Variants in RELCH observed in about 807,000 individuals in gnomAD.
RELCH encodes RAB11 binding and LisH domain, coiled-coil and HEAT repeat containing.
In RELCH, 41 loss-of-function variants were observed where a neutral mutation model predicts 150.3. The ratio of observed to expected loss-of-function variants is 0.27; its 90% CI spans 0.21 to 0.35. The LOEUF (loss-of-function observed/expected upper bound fraction) is 0.35. RELCH is among the 10% of genes least tolerant of loss of function. RELCH has a pLI of 1.00. For missense variants in RELCH, 1,092 were observed against 1,467.8 expected, an observed-to-expected ratio of 0.74 and a Z score of 4.18; for synonymous variants, 478 against 531.8, an observed-to-expected ratio of 0.90 and a Z score of 1.39.
chr18:62,267,216 T>C (rs1380978017), intron 19 of RELCH, among the ~76,000 whole-genome samples: 2 of 151,892 alleles, frequency 1.3e-5, no homozygotes, highest in Non-Finnish European at 2.9e-5. Flanking sequence ...AGCTACTTCA[T>C]TGATAGTTTT....
intron 1 of RELCH, among the ~76,000 whole-genome samples, chr18:62,195,225 A>T (rs1016022600): frequency 1.1e-4 from 17 of 152,074 alleles, no homozygotes; most frequent in African/African-American, 4.1e-4. Flanking sequence ...AATTTACATG[A>T]TGAACCAATT....
At chr18:62,283,702 G>A (rs1233708106) in intron 25 of RELCH, among the ~76,000 whole-genome samples, 2 of 152,132 alleles carry the variant, frequency 1.3e-5, no homozygotes. Flanking sequence ...TGATATTTTA[G>A]TTAGCACTAG....
chr18:62,274,890 T>A (rs1321723362), intron 21 of RELCH, among the ~76,000 whole-genome samples: 2 of 152,224 alleles, frequency 1.3e-5, no homozygotes, highest in Middle Eastern at 3.2e-3. Flanking sequence ...ATAAGGAAGG[T>A]GACATCTTTT....
intron 17 of RELCH, 118 bp downstream of exon 17, chr18:62,264,263 C>T: frequency 4.1e-6 from 3 of 738,910 alleles, no homozygotes; most frequent in Non-Finnish European, 6.6e-6. Flanking sequence ...TTTTGGTAAA[C>T]ACCTTTAGGA....
intron 1 of RELCH, among the ~76,000 whole-genome samples, chr18:62,202,891 C>G (rs577728326): frequency 9.9e-5 from 15 of 152,254 alleles, no homozygotes; most frequent in Admixed American, 9.8e-4. Context: ...AACAATGAAG[C>G]CTGGTATCAC....
At position 62,265,965 on chromosome 18, in the gene RELCH, G is replaced by A. The variant is rs185039517; in HGVS notation, c.2632-736G>A. Reference sequence around the variant, plus strand: ...TTGTATTTTTCACTAGCATTCAGTTGTTAAACAAATATAATTTGATTTTCC... The same window carrying A: ...TTGTATTTTTCACTAGCATTCAGTTATTAAACAAATATAATTTGATTTTCC... On this transcript the variant is annotated intron_variant, in intron 18 of 28. Coordinates refer to ENST00000644646, the MANE Select transcript of RELCH (RefSeq NM_001346231.2). Among the ~76,000 whole-genome samples, 235 of 151,848 alleles carry A rather than the reference G, an allele frequency of 1.5e-3. 1 individual carries two copies. The highest frequency in any genetic ancestry group is 5.3e-3 in the African/African-American group (219 of 41,502).
intron 1 of RELCH, among the ~76,000 whole-genome samples, chr18:62,192,333 T>G (rs1461620943): frequency 6.6e-6 from 1 of 152,246 alleles, no homozygotes; most frequent in African/African-American, 2.4e-5. Context: ...TCTCCCATTC[T>G]GTAGGTTGTC....
chr18:62,266,677 G>T, intron 18 of RELCH, 24 bp from the exon 19 acceptor site: 1 of 1,562,304 alleles, frequency 6.4e-7, no homozygotes, highest in African/African-American at 1.4e-5. Context: ...GAGACTTTTT[G>T]AATCTTCTCT....
rs200458227 is a variant in RELCH, at chr18:62,299,695, GT to G, written c.3530+841del. 7.6e-3 allele frequency among the ~76,000 whole-genome samples: 1,162 copies of G among 152,128 alleles called. 12 individuals are homozygous for G. Among genetic ancestry groups the G allele is most frequent in the East Asian group, 0.038 (195 of 5,184 alleles). On this transcript the variant is annotated intron_variant, in intron 28 of 28. Transcript: ENST00000644646. ...ATTCACATCTTCTATATTATTAGTG[GT>G]TTTTTATAGAGGTTTTTTACAGGTT...
At chr18:62,281,592 ATTTC>A (rs988997354) in intron 24 of RELCH, among the ~76,000 whole-genome samples, 1 of 152,206 alleles carries the variant, frequency 6.6e-6, no homozygotes, top group Admixed American at 6.5e-5. Context: ...TCAGATTTTT[ATTTC>A]TTTGTTATTA....
intron 27 of RELCH, among the ~76,000 whole-genome samples, chr18:62,298,280 C>T (rs2045512536): frequency 6.6e-6 from 1 of 152,166 alleles, no homozygotes; most frequent in African/African-American, 2.4e-5. Context: ...AGTCTCCCTG[C>T]AGGAATCGTG....
chr18:62,269,798 T>C (rs930107450), intron 20 of RELCH, among the ~76,000 whole-genome samples: 2 of 152,158 alleles, frequency 1.3e-5, no homozygotes, highest in Admixed American at 6.6e-5. Flanking sequence ...ATCACCAGAA[T>C]ACCTGTATCA....
chr18:62,248,792 T>C (rs1292527084), intron 11 of RELCH, among the ~76,000 whole-genome samples: 2 of 152,202 alleles, frequency 1.3e-5, no homozygotes, highest in Admixed American at 1.3e-4. Flanking sequence ...GTCCTGAGTC[T>C]AATACCCACA....
At chr18:62,232,291 G>A (rs1385140830) in intron 9 of RELCH, 41 bp from the exon 10 acceptor site, 10 of 1,293,820 alleles carry the variant, frequency 7.7e-6, no homozygotes, top group Non-Finnish European at 1.1e-5. Flanking sequence ...ATGCACAGAA[G>A]TTCTCCACTA....
chr18:62,272,575 C>G (rs1168651096), intron 20 of RELCH, among the ~76,000 whole-genome samples: 1 of 151,934 alleles, frequency 6.6e-6, no homozygotes, highest in East Asian at 1.9e-4. Context: ...TCACAGATTG[C>G]CAGTGTTTCT....
In RELCH at chr18:62,280,540, A is replaced by G. The variant is rs2044457690; in HGVS notation, c.3051-106A>G. On this transcript the variant is annotated intron_variant, in intron 23 of 28. Coordinates refer to ENST00000644646, the MANE Select transcript of RELCH (RefSeq NM_001346231.2). Reference sequence around the variant, plus strand: ...TAAATTTATTTAATTTGTCATTGCTAGAGACTAATACAGTATATTTACCTT... The same window carrying G: ...TAAATTTATTTAATTTGTCATTGCTGGAGACTAATACAGTATATTTACCTT... 4 of 1,295,984 alleles carry G rather than the reference A, an allele frequency of 3.1e-6. No individual in the cohort carries two copies. In the Admixed American group the frequency reaches 7.0e-5, roughly 23 times the overall value. The allele number at this position is 1,295,984 out of a possible 1,614,324, so 80.3% of individuals were successfully genotyped here.
At position 62,307,681 on chromosome 18, in the gene RELCH, C is replaced by T. The variant is rs2045918468; in HGVS notation, c.*2147C>T. 6.6e-6 allele frequency: 1 copy of T among 150,970 alleles called. No individual in the cohort carries two copies. The highest frequency in any genetic ancestry group is 2.5e-5 in the African/African-American group (1 of 40,284). The allele number at this position is 150,970 out of a possible 1,614,324, so 9.4% of individuals were successfully genotyped here. ...AAATAGGGCATAAAACTCCCATACT[C>T]ATTCCTTTTAAACAGAAGTAAACTT... On this transcript the variant is annotated 3_prime_UTR_variant, in exon 29 of 29. Transcript: ENST00000644646.
chr18:62,267,883 T>A (rs2043674420), intron 19 of RELCH, among the ~76,000 whole-genome samples: 1 of 151,988 alleles, frequency 6.6e-6, no homozygotes, highest in Non-Finnish European at 1.5e-5. Context: ...TATCAACCCC[T>A]GTAATAATCT....
Position 62,221,367 on chromosome 18 carries a change from T to C in RELCH, c.745-17T>C. ...GAATACTTATGATTTCCTGTTTGCC[T>C]CTTATTTTGCTTCCAGGAGCCAATC... On this transcript the variant is annotated splice_polypyrimidine_tract_variant and intron_variant, in intron 4 of 28. Transcript: ENST00000644646. 6.4e-7 allele frequency: 1 copy of C among 1,563,416 alleles called. No individual in the cohort carries two copies. Among genetic ancestry groups the C allele is most frequent in the South Asian group, 1.1e-5 (1 of 89,726 alleles).
Sources: allele counts gnomAD v4.1 joint callset (sites outside exome capture counted in the v4.1 genomes callset), GRCh38; gene constraint gnomAD v4.1.1; transcripts MANE v1.5; gene names NCBI Gene and HGNC (gene_info 2026-07-23, HGNC 2026-07-21).